Variants in GALNT11 observed in about 807,000 individuals in gnomAD.
The protein encoded by GALNT11 is polypeptide N-acetylgalactosaminyltransferase 11, also known as UDP-GalNAc:polypeptide N-acetylgalactosaminyltransferase 11.
GALNT11 carries 47 observed loss-of-function variants against 72.7 expected under a neutral mutation model. That is an observed-to-expected ratio of 0.65 (90% CI 0.51 to 0.82). GALNT11 has a LOEUF of 0.82. GALNT11 is among the 40% of genes least tolerant of loss of function. The probability of loss-of-function intolerance (pLI) is 0.00; values close to 1 mark genes in which losing one functional copy is unlikely to be tolerated. For synonymous variants in GALNT11, 270 were observed against 286.6 expected, an observed-to-expected ratio of 0.94 and a Z score of 0.58; for missense variants, 677 against 778.4, an observed-to-expected ratio of 0.87 and a Z score of 1.55.
In GALNT11 at chr7:152,103,160, T is replaced by C; in HGVS notation, c.468T>C (p.Val156=). 1 of 1,612,262 alleles carries C rather than the reference T, an allele frequency of 6.2e-7. No homozygotes were observed. The highest frequency in any genetic ancestry group is 8.5e-7 in the Non-Finnish European group (1 of 1,178,990). Residue 156 remains valine, a synonymous_variant, in exon 4 of 12, where the codon GTT becomes GTC. Transcript: ENST00000430044. Reference sequence around the variant, plus strand: ...CTGACCTGCCAGCTGCTAGTGTTGTTATCTGTTTCTATAATGAAGCGTTTT... The same window carrying C: ...CTGACCTGCCAGCTGCTAGTGTTGTCATCTGTTTCTATAATGAAGCGTTTT... ...YPPDLPAASV[V]ICFYNEAFSA...
chr7:152,099,490 A>G (rs1250663217), intron 2 of GALNT11, among the ~76,000 whole-genome samples: 1 of 144,836 alleles, frequency 6.9e-6, no homozygotes, highest in Non-Finnish European at 1.5e-5. Context: ...TAGCCTCCCA[A>G]GTAGCTGGGA....
At chr7:152,052,105 T>C (rs1265879116) in intron 1 of GALNT11, among the ~76,000 whole-genome samples, 1 of 152,202 alleles carries the variant, frequency 6.6e-6, no homozygotes, top group Non-Finnish European at 1.5e-5. Context: ...TAAGCAGAAT[T>C]GTACGGTATT....
At chr7:152,060,704 A>G (rs993095974) in intron 1 of GALNT11, among the ~76,000 whole-genome samples, 4 of 149,474 alleles carry the variant, frequency 2.7e-5, no homozygotes, top group Admixed American at 6.8e-5. Context: ...ATTCCCACCT[A>G]TGAGTGAGAA....
chr7:152,108,764 T>C (rs566166986), intron 6 of GALNT11, among the ~76,000 whole-genome samples: 2 of 152,368 alleles, frequency 1.3e-5, no homozygotes, highest in Non-Finnish European at 2.9e-5. Flanking sequence ...TACGTTCTTA[T>C]CTGTGTTTCA....
At chr7:152,055,927 G>C (rs922817819) in intron 1 of GALNT11, among the ~76,000 whole-genome samples, 3 of 151,986 alleles carry the variant, frequency 2.0e-5, no homozygotes, top group Admixed American at 6.6e-5. Context: ...TCTTGCAAAA[G>C]TATACTGTAA....
At chr7:152,043,517 CT>C (rs2082970123) in intron 1 of GALNT11, among the ~76,000 whole-genome samples, 1 of 152,188 alleles carries the variant, frequency 6.6e-6, no homozygotes, top group African/African-American at 2.4e-5. Context: ...TCAAATGTAG[CT>C]ATAATATTTC....
chr7:152,055,959 G>A (rs988748755), intron 1 of GALNT11, among the ~76,000 whole-genome samples: 7 of 151,942 alleles, frequency 4.6e-5, no homozygotes, highest in Admixed American at 1.3e-4. Flanking sequence ...GAATATTGAC[G>A]TCCTACACCC....
At chr7:152,066,395 C>T (rs1269618531) in intron 1 of GALNT11, among the ~76,000 whole-genome samples, 3 of 152,208 alleles carry the variant, frequency 2.0e-5, no homozygotes, top group Non-Finnish European at 4.4e-5. Context: ...CCAGATGAGG[C>T]GATGCCTCGC....
intron 2 of GALNT11, among the ~76,000 whole-genome samples, chr7:152,096,923 G>T (rs1038976060): frequency 5.3e-5 from 8 of 152,124 alleles, no homozygotes; most frequent in Non-Finnish European, 1.0e-4. Flanking sequence ...AATCTCCTTG[G>T]CTCGTTTGAT....
At chr7:152,037,920 C>T (rs2082659259) in intron 1 of GALNT11, among the ~76,000 whole-genome samples, 1 of 152,070 alleles carries the variant, frequency 6.6e-6, no homozygotes, top group Non-Finnish European at 1.5e-5. Context: ...AGTTGCCCAC[C>T]ACCACACCCG....
intron 2 of GALNT11, among the ~76,000 whole-genome samples, chr7:152,099,588 G>A (rs141673879): frequency 0.056 from 6,517 of 115,880 alleles, 608 homozygotes; most frequent in African/African-American, 0.2. Flanking sequence ...GGGTTTCACC[G>A]TGTTGGCCAG....
Position 152,105,232 on chromosome 7 carries a change from A to T in GALNT11, c.587-13A>T. The stretch of plus-strand genomic sequence containing the variant: ...CTCATACAGTTTGAATAATTGTGGG[A>T]CTTTATTTTCAGATGATTTGAAAGG... On this transcript the variant is annotated splice_polypyrimidine_tract_variant and intron_variant, in intron 4 of 11. Transcript: ENST00000430044. 6.2e-7 allele frequency: 1 copy of T among 1,611,492 alleles called. No individual in the cohort carries two copies. Among genetic ancestry groups the T allele is most frequent in the Non-Finnish European group, 8.5e-7 (1 of 1,179,028 alleles).
At chr7:152,029,796 G>A (rs139031466) in intron 1 of GALNT11, among the ~76,000 whole-genome samples, 133 of 152,330 alleles carry the variant, frequency 8.7e-4, no homozygotes, top group Admixed American at 1.6e-3. Context: ...TGTCCTGAAG[G>A]GAGTTCCTCC....
intron 2 of GALNT11, among the ~76,000 whole-genome samples, chr7:152,096,714 CAA>C (rs768326363): frequency 2.7e-4 from 16 of 60,070 alleles, no homozygotes; most frequent in Admixed American, 5.5e-4. Context: ...GACTCTGTCT[CAA>C]AAAAAAAAAA....
chr7:152,093,191 T>C (rs1288645532), intron 1 of GALNT11, among the ~76,000 whole-genome samples: 1 of 151,020 alleles, frequency 6.6e-6, no homozygotes, highest in Non-Finnish European at 1.5e-5. Context: ...ATCCCACCAC[T>C]TTACTCCAGC....
In GALNT11 at chr7:152,117,365, A is replaced by G; in HGVS notation, c.1442A>G (p.Gln481Arg). The change falls in exon 9 of 12, where the codon CAA (glutamine) becomes CGA (arginine). Residue 481 changes from glutamine (Q) to arginine (R), a missense_variant. Gln to Arg is a conservative substitution (Grantham distance 43, BLOSUM62 1). Coordinates refer to ENST00000430044, the MANE Select transcript of GALNT11 (RefSeq NM_022087.4). ...NRGPKRPKVL[Q>R]RGRLYHLQTN... ...GGGCCAAAACGACCCAAAGTCCTTC[A>G]ACGTGGAAGGGTAAGAAAGCTGTTT... 1.2e-6 allele frequency: 2 copies of G among 1,614,216 alleles called. No homozygotes were observed. The highest frequency in any genetic ancestry group is 1.7e-5 in the Admixed American group (1 of 60,028).
chr7:152,084,503 T>C (rs2085521828), intron 1 of GALNT11, among the ~76,000 whole-genome samples: 1 of 152,074 alleles, frequency 6.6e-6, no homozygotes, highest in South Asian at 2.1e-4. Context: ...TAAGAAATCA[T>C]GGACTAAGAG....
At chr7:152,110,482 G>A (rs747709894) in intron 6 of GALNT11, 46 bp from the exon 7 acceptor site, 77 of 1,374,598 alleles carry the variant, frequency 5.6e-5, no homozygotes, top group Admixed American at 1.8e-4. Flanking sequence ...TAGTAGGTAA[G>A]ATAACTGACT....
chr7:152,105,193 GTC>G (rs1294925028), intron 4 of GALNT11, 50 bp from the exon 5 acceptor site: 128 of 1,564,232 alleles, frequency 8.2e-5, no homozygotes, highest in Non-Finnish European at 1.0e-4. Context: ...GCTGTAAAGT[GTC>G]TTTATATATG....
Sources: gnomAD v4.1 joint callset for allele counts (sites outside exome capture counted in the v4.1 genomes callset) on GRCh38, gnomAD v4.1.1 for gene constraint, MANE v1.5 for transcripts, NCBI Gene and HGNC (gene_info 2026-07-23, HGNC 2026-07-21) for gene names.